Variants in MECOM observed in about 807,000 individuals in gnomAD.
MECOM encodes MDS1 and EVI1 complex locus.
In MECOM, 13 loss-of-function variants were observed where a neutral mutation model predicts 116.3. The ratio of observed to expected loss-of-function variants is 0.11; its 90% CI spans 0.07 to 0.18. The LOEUF (loss-of-function observed/expected upper bound fraction) is 0.18, where lower values mean the gene tolerates loss of function less well. Among genes scored for constraint, MECOM ranks in the 10% least tolerant of loss-of-function variants. MECOM has a pLI of 1.00. For missense variants in MECOM, 1,299 were observed against 1,509.0 expected (o/e 0.86, Z 2.31); for synonymous variants, 528 against 535.2 (o/e 0.99, Z 0.19).
At chr3:169,143,891 C>T (rs1437760255) in intron 2 of MECOM, 59 bp from the exon 3 acceptor site, 16 of 1,468,542 alleles carry the variant, frequency 1.1e-5, no homozygotes, top group Non-Finnish European at 1.4e-5. Flanking sequence ...TTAAAATAAT[C>T]AGTTGTTTGA....
chr3:169,313,716 G>C (rs61633681), intron 2 of MECOM, among the ~76,000 whole-genome samples: 20,703 of 152,174 alleles, frequency 0.14, 2,005 homozygotes, highest in East Asian at 0.38. Context: ...GAGGGGAAAA[G>C]GTATAGAGGT....
At chr3:169,501,015 T>C (rs1374030783) in intron 1 of MECOM, among the ~76,000 whole-genome samples, 2 of 152,060 alleles carry the variant, frequency 1.3e-5, no homozygotes, top group Non-Finnish European at 2.9e-5. Flanking sequence ...TAGATTTTTA[T>C]AAACTCAATG....
intron 2 of MECOM, among the ~76,000 whole-genome samples, chr3:169,364,202 T>G (rs148888215): frequency 6.6e-6 from 1 of 151,900 alleles, no homozygotes; most frequent in South Asian, 2.1e-4. Context: ...TTCCAATGAT[T>G]GAAAAGTACA....
At chr3:169,563,207 A>T (rs550903746) in intron 1 of MECOM, among the ~76,000 whole-genome samples, 1 of 152,098 alleles carries the variant, frequency 6.6e-6, no homozygotes, top group Non-Finnish European at 1.5e-5. Flanking sequence ...TCAGAATCCT[A>T]TGGTAATTGG....
chr3:169,214,763 A>T (rs1212551365), intron 2 of MECOM, among the ~76,000 whole-genome samples: 1 of 150,090 alleles, frequency 6.7e-6, no homozygotes, highest in Non-Finnish European at 1.5e-5. Flanking sequence ...CATTAACATA[A>T]ATAAGTCTTT....
At chr3:169,242,942 G>A (rs1755075967) in intron 2 of MECOM, among the ~76,000 whole-genome samples, 1 of 151,532 alleles carries the variant, frequency 6.6e-6, no homozygotes. Flanking sequence ...CTTAAGAATG[G>A]TGAAATTAAA....
intron 1 of MECOM, among the ~76,000 whole-genome samples, chr3:169,505,879 G>C (rs12497035): frequency 0.17 from 25,536 of 152,098 alleles, 2,298 homozygotes; most frequent in East Asian, 0.33. Flanking sequence ...TGCGGGTCTT[G>C]AAAGGCTCTC....
chr3:169,635,190 C>T (rs1772584124), intron 1 of MECOM, among the ~76,000 whole-genome samples: 1 of 152,180 alleles, frequency 6.6e-6, no homozygotes. Context: ...GAACCTCTGC[C>T]CCTTTGTTTT....
chr3:169,439,075 T>A (rs1026355481), intron 1 of MECOM, among the ~76,000 whole-genome samples: 1 of 148,412 alleles, frequency 6.7e-6, no homozygotes, highest in African/African-American at 2.5e-5. Context: ...TTTAAAAATA[T>A]ATATAATTAA....
chr3:169,260,902 C>G (rs948985053), intron 2 of MECOM, among the ~76,000 whole-genome samples: 1 of 152,168 alleles, frequency 6.6e-6, no homozygotes, highest in Admixed American at 6.5e-5. Context: ...AGTATTTAAT[C>G]ATTAATGAAA....
chr3:169,193,812 G>T (rs924779969), intron 2 of MECOM, among the ~76,000 whole-genome samples: 5 of 151,884 alleles, frequency 3.3e-5, no homozygotes, highest in South Asian at 2.1e-4. Flanking sequence ...TAAAACTATG[G>T]TTAGTGTTAG....
intron 1 of MECOM, among the ~76,000 whole-genome samples, chr3:169,446,822 T>C (rs1398135508): frequency 1.3e-5 from 2 of 152,218 alleles, no homozygotes; most frequent in South Asian, 2.1e-4. Context: ...CAAAAGCCCA[T>C]GCTCCTAATG....
At chr3:169,341,762 A>G (rs1724578293) in intron 2 of MECOM, among the ~76,000 whole-genome samples, 2 of 147,722 alleles carry the variant, frequency 1.4e-5, no homozygotes, top group African/African-American at 5.1e-5. Flanking sequence ...AGAACAAATG[A>G]ATAAAACCTA....
chr3:169,121,252 A>G (rs1419389700), intron 6 of MECOM, 43 bp from the exon 7 acceptor site: 2 of 1,541,306 alleles, frequency 1.3e-6, no homozygotes, highest in East Asian at 4.7e-5. Context: ...ACTTAACTCA[A>G]GGGCACAATA....
intron 1 of MECOM, among the ~76,000 whole-genome samples, chr3:169,606,044 T>C (rs922776163): frequency 6.6e-6 from 1 of 152,168 alleles, no homozygotes; most frequent in Non-Finnish European, 1.5e-5. Flanking sequence ...AAGGAAAGAA[T>C]GATTATTTAA....
intron 1 of MECOM, among the ~76,000 whole-genome samples, chr3:169,604,186 C>T (rs1768190562): frequency 6.6e-6 from 1 of 151,978 alleles, no homozygotes; most frequent in Middle Eastern, 3.2e-3. Flanking sequence ...TTTAAATTAA[C>T]TGAGCTTTGA....
chr3:169,274,209 G>A (rs1018834356), intron 2 of MECOM, among the ~76,000 whole-genome samples: 2 of 152,090 alleles, frequency 1.3e-5, no homozygotes, highest in Non-Finnish European at 2.9e-5. Context: ...ACTGTGCCTG[G>A]CCTCCAAAGC....
chr3:169,643,095 C>CTTCTAGTG (rs1300903266), intron 1 of MECOM, among the ~76,000 whole-genome samples: 22 of 152,212 alleles, frequency 1.4e-4, no homozygotes, highest in African/African-American at 4.8e-4. Flanking sequence ...TTTAGCCTTT[C>CTTCTAGTG]TTCTAGTGTT....
At chr3:169,147,426 G>A (rs1234138167) in intron 2 of MECOM, 3 of 985,326 alleles carry the variant, frequency 3.0e-6, no homozygotes, top group African/African-American at 1.7e-5. Flanking sequence ...GAAAGAACCC[G>A]GGGCGAGGGA....
Sources: gnomAD v4.1 joint callset for allele counts (sites outside exome capture counted in the v4.1 genomes callset) on GRCh38, gnomAD v4.1.1 for gene constraint, MANE v1.5 for transcripts, NCBI Gene and HGNC (gene_info 2026-07-23, HGNC 2026-07-21) for gene names.